SLC15A5: variants seen among roughly 807,000 people sequenced by gnomAD.
SLC15A5 encodes the protein solute carrier family 15 member 5, also known as Peptide/histidine transporter ENSP00000340402.
A neutral mutation model predicts 56.1 loss-of-function variants in SLC15A5; 58 were observed. The ratio of observed to expected loss-of-function variants is 1.03; its 90% CI spans 0.84 to 1.29. SLC15A5 has a LOEUF of 1.29. Ranked by LOEUF, SLC15A5 falls within the 50% of genes most tolerant of loss-of-function variation. The probability of loss-of-function intolerance (pLI) is 0.00; values close to 1 mark genes in which losing one functional copy is unlikely to be tolerated. For synonymous variants in SLC15A5, 264 were observed against 250.5 expected (o/e 1.05, Z -0.51); for missense variants, 681 against 672.1 (o/e 1.01, Z -0.15).
At chr12:16,263,211 C>A (rs898331182) in intron 2 of SLC15A5, among the ~76,000 whole-genome samples, 3 of 152,116 alleles carry the variant, frequency 2.0e-5, no homozygotes, top group Non-Finnish European at 4.4e-5. Context: ...ACAATGAAAT[C>A]CAGGTTGAAG....
At chr12:16,209,600 T>C (rs1864059000) in intron 7 of SLC15A5, among the ~76,000 whole-genome samples, 1 of 152,184 alleles carries the variant, frequency 6.6e-6, no homozygotes, top group Admixed American at 6.6e-5. Context: ...TCTATTCTTC[T>C]TCCAGCTTTT....
At position 16,246,777 on chromosome 12, in the gene SLC15A5, A is replaced by T. The variant is rs9634080; in HGVS notation, c.755-1977T>A. On this transcript the variant is annotated intron_variant, in intron 3 of 8. Coordinates refer to ENST00000344941, the MANE Select transcript of SLC15A5 (RefSeq NM_001170798.1). Reference sequence around the variant, plus strand: ...AACAATCACTATTTGTTGCAAGATAAACTTGGATCTGCTTCTAATACATGA... The same window carrying T: ...AACAATCACTATTTGTTGCAAGATATACTTGGATCTGCTTCTAATACATGA... Among the ~76,000 whole-genome samples the T allele has an allele frequency of 1.1e-4, 17 of 152,276 alleles. No homozygotes were observed. The East Asian group carries it at 3.1e-3, about 28-fold the overall frequency.
At position 16,243,911 on chromosome 12, in the gene SLC15A5, G is replaced by T. The variant is rs2136260393; in HGVS notation, c.975+669C>A. ...CTTCTAAATTCCAAGTTGGGAGTTA[G>T]CAATGAACAAAGTCCCAGATTTGTT... On this transcript the variant is annotated intron_variant, in intron 4 of 8. Coordinates refer to ENST00000344941, the MANE Select transcript of SLC15A5 (RefSeq NM_001170798.1). This position sits in a 1 kb window ranked among gnomAD's most constrained non-coding sequence, Gnocchi z 4.4. Among the ~76,000 whole-genome samples, 1 of 152,288 alleles carries T rather than the reference G, an allele frequency of 6.6e-6. No individual in the cohort carries two copies. The highest frequency in any genetic ancestry group is 6.5e-5 in the Admixed American group (1 of 15,292).
Position 16,271,599 on chromosome 12 carries a change from A to AAGAG in SLC15A5, c.584+958_584+961dup, listed in dbSNP as rs5796662. Among the ~76,000 whole-genome samples the AAGAG allele has an allele frequency of 0.98, 149,342 of 152,040 alleles. 73,383 individuals are homozygous for AAGAG. Among genetic ancestry groups the AAGAG allele is most frequent in the South Asian group, 1 (4,809 of 4,810 alleles). On this transcript the variant is annotated intron_variant, in intron 2 of 8. Transcript: ENST00000344941. This position sits in a 1 kb window ranked among gnomAD's most constrained non-coding sequence, Gnocchi z 8.0. ...GGAGCAAGAGAAAGAAAAAGAAAGA[A>AAGAG]AGAGAAAAGAGGAACTGCCTCGGAT...
At chr12:16,203,590 CT>C (rs1442718101) in intron 7 of SLC15A5, among the ~76,000 whole-genome samples, 1 of 152,054 alleles carries the variant, frequency 6.6e-6, no homozygotes, top group Non-Finnish European at 1.5e-5. Context: ...AAGGAATATT[CT>C]TTAAGATCAC....
rs75138514 is a variant in SLC15A5 at position 16,215,423 on chromosome 12, G to C, written c.1483+1470C>G. Among the ~76,000 whole-genome samples the C allele has an allele frequency of 5.1e-3, 769 of 152,128 alleles. 5 individuals are homozygous for C. The highest frequency in any genetic ancestry group is 0.019 in the East Asian group (98 of 5,178). On this transcript the variant is annotated intron_variant, in intron 7 of 8. Coordinates refer to ENST00000344941, the MANE Select transcript of SLC15A5 (RefSeq NM_001170798.1). ...AGAAATTTTGTTTTAGTAAATTTTTGGAAATATCTTCACTGAGTAATGTAA... is the reference window on the plus strand; with the variant it reads ...AGAAATTTTGTTTTAGTAAATTTTTCGAAATATCTTCACTGAGTAATGTAA...
At chr12:16,240,256 C>T (rs1025809290) in intron 4 of SLC15A5, among the ~76,000 whole-genome samples, 4 of 151,908 alleles carry the variant, frequency 2.6e-5, no homozygotes, top group Admixed American at 6.6e-5. Context: ...ATACTAAAGA[C>T]GTCTGTTTTT....
At chr12:16,261,894 C>T (rs1864646669) in intron 2 of SLC15A5, among the ~76,000 whole-genome samples, 1 of 152,150 alleles carries the variant, frequency 6.6e-6, no homozygotes, top group African/African-American at 2.4e-5. Flanking sequence ...AGTCCTTTCT[C>T]AATTATGTGA....
chr12:16,192,722 G>A (rs1216932181), intron 8 of SLC15A5, among the ~76,000 whole-genome samples: 2 of 152,038 alleles, frequency 1.3e-5, no homozygotes, highest in Non-Finnish European at 2.9e-5. Context: ...GTGCATGACT[G>A]CGGTCATCTT....
In SLC15A5 at chr12:16,194,450, T is replaced by C; in HGVS notation, c.1487A>G (p.Asn496Ser). The stretch of plus-strand genomic sequence containing the variant: ...TTTGTTTAATGTGTTTGGAAACCAA[T>C]TGCCTGTTTGGAACAAATGTAATTG... ...VKLVYLISDG[N>S]WFPNTLNKGN... The change falls in exon 8 of 9, where the codon AAT (asparagine) becomes AGT (serine). Residue 496 changes from asparagine (N) to serine (S), a missense_variant. By Grantham distance (46) the Asn-to-Ser change is conservative. Transcript: ENST00000344941. The C allele has an allele frequency of 6.5e-7, 1 of 1,527,698 alleles. No individual in the cohort carries two copies. Among genetic ancestry groups the C allele is most frequent in the Non-Finnish European group, 8.8e-7 (1 of 1,139,126 alleles). The allele number at this position is 1,527,698 out of a possible 1,614,324, so 94.6% of individuals were successfully genotyped here. A position where few individuals can be genotyped will look rare whatever the true frequency, so the allele number is the denominator to read the frequency against.
intron 4 of SLC15A5, 30 bp from the exon 5 acceptor site, chr12:16,239,897 T>C: frequency 6.6e-7 from 1 of 1,521,976 alleles, no homozygotes; most frequent in South Asian, 1.2e-5. Context: ...ATCCATGCAT[T>C]AAGACAGGGG....
intron 1 of SLC15A5, among the ~76,000 whole-genome samples, chr12:16,273,623 T>A (rs887428312): frequency 2.0e-5 from 3 of 151,370 alleles, no homozygotes; most frequent in African/African-American, 7.3e-5. Context: ...TCTTATTCAA[T>A]TTTTTTTTAA....
At position 16,271,718 on chromosome 12, in the gene SLC15A5, C is replaced by T. The variant is rs995812459; in HGVS notation, c.584+843G>A. On this transcript the variant is annotated intron_variant, in intron 2 of 8. Transcript: ENST00000344941. The surrounding 1 kb of genome is among the most constrained non-coding windows in gnomAD (Gnocchi z 8.0). ...CTGTTTGACATCCACTGATAGATAACAAAGAATAACAAAGAAGTTTTATAC... is the reference window on the plus strand; with the variant it reads ...CTGTTTGACATCCACTGATAGATAATAAAGAATAACAAAGAAGTTTTATAC... Among the ~76,000 whole-genome samples the T allele has an allele frequency of 6.6e-6, 1 of 152,076 alleles. No individual in the cohort carries two copies. The highest frequency in any genetic ancestry group is 1.5e-5 in the Non-Finnish European group (1 of 67,990).
At chr12:16,215,076 A>G (rs1470180401) in intron 7 of SLC15A5, among the ~76,000 whole-genome samples, 1 of 151,864 alleles carries the variant, frequency 6.6e-6, no homozygotes, top group Non-Finnish European at 1.5e-5. Flanking sequence ...GGTGGTGTGC[A>G]CCTGTAGTAC....
chr12:16,256,868 AAAT>A lies in SLC15A5; in HGVS notation c.754+830_754+832del, dbSNP rs1203407142. On this transcript the variant is annotated intron_variant, in intron 3 of 8. Transcript: ENST00000344941. Reference sequence around the variant, plus strand: ...AGAGAGGCTCCGTCTCAAAAAAAAAAAATAATAATAATAATAAATTAAATAGAG... The same window carrying A: ...AGAGAGGCTCCGTCTCAAAAAAAAAAAATAATAATAATAAATTAAATAGAG... 5.3e-4 allele frequency among the ~76,000 whole-genome samples: 79 copies of A among 147,942 alleles called. 1 individual carries two copies. The highest frequency in any genetic ancestry group is 1.9e-3 in the African/African-American group (74 of 39,394).
intron 5 of SLC15A5, among the ~76,000 whole-genome samples, chr12:16,239,098 C>T (rs915941113): frequency 6.6e-6 from 1 of 152,184 alleles, no homozygotes; most frequent in African/African-American, 2.4e-5. Context: ...CCCCACTGTT[C>T]TCTTGTTCCC....
intron 6 of SLC15A5, among the ~76,000 whole-genome samples, chr12:16,222,067 T>C (rs1350378912): frequency 6.6e-6 from 1 of 152,214 alleles, no homozygotes; most frequent in Non-Finnish European, 1.5e-5. Flanking sequence ...GGTGAAAAAG[T>C]AATTGTGGTT....
intron 2 of SLC15A5, among the ~76,000 whole-genome samples, chr12:16,263,556 C>CA (rs1241683781): frequency 2.0e-5 from 3 of 152,066 alleles, no homozygotes; most frequent in African/African-American, 7.2e-5. Context: ...AACAAGAAAC[C>CA]AAATGTTAAT....
chr12:16,250,647 ATAAG>A (rs1460777604), intron 3 of SLC15A5, among the ~76,000 whole-genome samples: 2 of 152,160 alleles, frequency 1.3e-5, no homozygotes, highest in African/African-American at 4.8e-5. Context: ...AGACTTTTTA[ATAAG>A]TAAGATTAGG....
Sources: allele counts gnomAD v4.1 joint callset (sites outside exome capture counted in the v4.1 genomes callset), GRCh38; gene constraint gnomAD v4.1.1; non-coding constraint Gnocchi (gnomAD v3.1); transcripts MANE v1.5; gene names NCBI Gene and HGNC (gene_info 2026-07-23, HGNC 2026-07-21).